Variants in TNIP3 observed in about 807,000 individuals in gnomAD.
The protein encoded by TNIP3 is TNFAIP3-interacting protein 3.
A neutral mutation model predicts 54.1 loss-of-function variants in TNIP3; 34 were observed. The observed-to-expected ratio is 0.63, with a 90% CI of 0.48 to 0.84. TNIP3 has a LOEUF of 0.84. Ranked by LOEUF, TNIP3 falls within the 40% of genes least tolerant of loss-of-function variation. The pLI, the probability that TNIP3 is intolerant of heterozygous loss-of-function variation, is 0.00. For synonymous variants in TNIP3, 134 were observed against 136.8 expected, an observed-to-expected ratio of 0.98 and a Z score of 0.14; for missense variants, 366 against 387.6, an observed-to-expected ratio of 0.94 and a Z score of 0.47.
chr4:121,216,597 A>G (rs187054386), exon 1 of TNIP3: 103 of 1,494,474 alleles, frequency 6.9e-5, no homozygotes, highest in Non-Finnish European at 8.8e-5. Flanking sequence ...TGTTAAATGC[A>G]TTTTTCATCA....
At chr4:121,174,694 G>C (rs532883694) in intron 3 of TNIP3, among the ~76,000 whole-genome samples, 7 of 151,818 alleles carry the variant, frequency 4.6e-5, no homozygotes, top group African/African-American at 1.4e-4. Context: ...AGGAATAATT[G>C]ATCTTTTTTT....
At chr4:121,140,021 A>G (rs545172277) in intron 9 of TNIP3, among the ~76,000 whole-genome samples, 125 of 152,300 alleles carry the variant, frequency 8.2e-4, no homozygotes, top group African/African-American at 2.9e-3. Context: ...GATTTTTTTC[A>G]TCTGACTACT....
intron 3 of TNIP3, among the ~76,000 whole-genome samples, chr4:121,169,587 C>T (rs1017689824): frequency 2.6e-5 from 4 of 152,190 alleles, no homozygotes; most frequent in East Asian, 1.9e-4. Context: ...AGTGCCTGTG[C>T]GTGTTCATGT....
At chr4:121,222,963 G>A (rs1457835018) in intron 1 of TNIP3, among the ~76,000 whole-genome samples, 2 of 151,882 alleles carry the variant, frequency 1.3e-5, no homozygotes, top group African/African-American at 4.8e-5. Context: ...CCACCACCAC[G>A]CCCGCCTAAT....
chr4:121,186,053 C>T (rs1278925626), intron 2 of TNIP3, among the ~76,000 whole-genome samples: 2 of 152,206 alleles, frequency 1.3e-5, no homozygotes, highest in Admixed American at 6.5e-5. Context: ...GTTCAGCACA[C>T]GTCCCTCAGG....
In TNIP3 at chr4:121,159,139, A is replaced by T. The variant is rs940996922; in HGVS notation, c.148-387T>A. 3.9e-4 allele frequency among the ~76,000 whole-genome samples: 59 copies of T among 152,262 alleles called. 1 individual carries two copies. Among genetic ancestry groups the T allele is most frequent in the African/African-American group, 1.4e-3 (58 of 41,550 alleles). On this transcript the variant is annotated intron_variant, in intron 2 of 10. Coordinates refer to ENST00000057513, the MANE Select transcript of TNIP3 (RefSeq NM_024873.6). Reference sequence around the variant, plus strand: ...GCACCTGCAGTCCCAGCTACTGGGGAGGCTGAGGCAGGAGAATCACTTGAA... The same window carrying T: ...GCACCTGCAGTCCCAGCTACTGGGGTGGCTGAGGCAGGAGAATCACTTGAA...
At chr4:121,178,848 C>A (rs569428414) in intron 3 of TNIP3, among the ~76,000 whole-genome samples, 3 of 152,132 alleles carry the variant, frequency 2.0e-5, no homozygotes. Flanking sequence ...TCATGGAACA[C>A]TTTATACCCC....
chr4:121,222,626 A>G (rs1032870810), intron 1 of TNIP3, among the ~76,000 whole-genome samples: 1 of 152,172 alleles, frequency 6.6e-6, no homozygotes, highest in African/African-American at 2.4e-5. Context: ...GCAGATAGTA[A>G]GCTCCAAATA....
At position 121,132,561 on chromosome 4, in the gene TNIP3, A is replaced by G. The variant is rs1728534462; in HGVS notation, c.*70T>C. On this transcript the variant is annotated 3_prime_UTR_variant, in exon 11 of 11. Coordinates refer to ENST00000057513, the MANE Select transcript of TNIP3 (RefSeq NM_024873.6). ...CTTTGTGGCAGAAACAAGCCTCAGT[A>G]TAAACAAAGAAGAGGGTCCTCAGCC... The G allele has an allele frequency of 7.0e-7, 1 of 1,427,802 alleles. No individual in the cohort carries two copies. Among genetic ancestry groups the G allele is most frequent in the Admixed American group, 1.7e-5 (1 of 58,518 alleles). 88.4% of individuals were successfully genotyped at this position (1,427,802 alleles called of 1,614,324 possible).
At chr4:121,139,307 G>A (rs1431972688) in intron 9 of TNIP3, among the ~76,000 whole-genome samples, 2 of 152,196 alleles carry the variant, frequency 1.3e-5, no homozygotes, top group Non-Finnish European at 2.9e-5. Context: ...GTTTACACCA[G>A]TTAAGAACAG....
intron 7 of TNIP3, 75 bp from the exon 8 acceptor site, chr4:121,142,851 T>A (rs1729203449): frequency 7.5e-7 from 1 of 1,328,092 alleles, no homozygotes; most frequent in African/African-American, 1.5e-5. Context: ...CTTGACCTAC[T>A]CAAGTGTCAG....
At chr4:121,222,574 C>T (rs1727073457) in intron 1 of TNIP3, among the ~76,000 whole-genome samples, 1 of 152,140 alleles carries the variant, frequency 6.6e-6, no homozygotes, top group South Asian at 2.1e-4. Flanking sequence ...AAGCAACTTT[C>T]ACCTCAATTG....
chr4:121,133,665 T>C (rs778213287), intron 10 of TNIP3, among the ~76,000 whole-genome samples: 3 of 152,190 alleles, frequency 2.0e-5, no homozygotes, highest in South Asian at 2.1e-4. Flanking sequence ...GCCAATGAGA[T>C]AATCCACGGC....
At chr4:121,153,293 T>C (rs543007235) in intron 5 of TNIP3, among the ~76,000 whole-genome samples, 3 of 152,312 alleles carry the variant, frequency 2.0e-5, no homozygotes, top group Non-Finnish European at 2.9e-5. Flanking sequence ...AGAGTGCACA[T>C]GGACATGAGC....
chr4:121,206,102 C>T (rs1490497756), intron 2 of TNIP3, among the ~76,000 whole-genome samples: 5 of 152,116 alleles, frequency 3.3e-5, no homozygotes, highest in African/African-American at 9.7e-5. Context: ...GTCCCTCCCA[C>T]AACACCTGGG....
intron 2 of TNIP3, among the ~76,000 whole-genome samples, chr4:121,207,194 T>C (rs548921169): frequency 6.6e-6 from 1 of 152,278 alleles, no homozygotes; most frequent in East Asian, 1.9e-4. Context: ...GAAGGAAGCC[T>C]GAATATTCAG....
intron 3 of TNIP3, among the ~76,000 whole-genome samples, chr4:121,178,381 C>G (rs1289613121): frequency 6.6e-6 from 1 of 152,136 alleles, no homozygotes. Context: ...GGACTCTGAC[C>G]CTCCGGCAAA....
chr4:121,141,032 G>A (rs1024047225), intron 9 of TNIP3, among the ~76,000 whole-genome samples: 5 of 152,130 alleles, frequency 3.3e-5, no homozygotes, highest in African/African-American at 1.2e-4. Flanking sequence ...GAAAATCCCA[G>A]TTAAAAATCT....
chr4:121,221,759 A>AT (rs61313316), intron 1 of TNIP3, among the ~76,000 whole-genome samples: 5,049 of 151,600 alleles, frequency 0.033, 286 homozygotes, highest in African/African-American at 0.12. Flanking sequence ...AGCTGTAACT[A>AT]TTTTTTTTTC....
Sources: gnomAD v4.1 joint callset for allele counts (sites outside exome capture counted in the v4.1 genomes callset) on GRCh38, gnomAD v4.1.1 for gene constraint, MANE v1.5 for transcripts, NCBI Gene and HGNC (gene_info 2026-07-23, HGNC 2026-07-21) for gene names.